SERINC2: variants seen among roughly 807,000 people sequenced by gnomAD.
SERINC2 encodes tumor differentially expressed protein 2.
In SERINC2, 56 loss-of-function variants were observed where a neutral mutation model predicts 54.2. That is an observed-to-expected ratio of 1.03 (90% confidence interval 0.83 to 1.29). The LOEUF is 1.29. Among genes scored for constraint, SERINC2 ranks in the 50% most tolerant of loss-of-function variants. SERINC2 has a pLI of 0.00. For missense variants in SERINC2, 614 were observed against 607.4 expected (o/e 1.01, Z -0.12); for synonymous variants, 272 against 253.1 (o/e 1.07, Z -0.71).
chr1:31,424,910 C>G, intron 3 of SERINC2, 37 bp downstream of exon 3: 1 of 1,548,458 alleles, frequency 6.5e-7, no homozygotes, highest in Non-Finnish European at 8.8e-7. Flanking sequence ...CTGGGACCTT[C>G]CCCCAGTGCC....
At chr1:31,431,850 T>TAGGGTGGAC (rs1641234240) in intron 8 of SERINC2, among the ~76,000 whole-genome samples, 1 of 30,136 alleles carries the variant, frequency 3.3e-5, no homozygotes, top group Non-Finnish European at 1.2e-4. Flanking sequence ...ATAGGGTGGA[T>TAGGGTGGAC]AGGGTGGATA....
chr1:31,412,055 C>T (rs1029420232), upstream of SERINC2, among the ~76,000 whole-genome samples: 83 of 141,646 alleles, frequency 5.9e-4, no homozygotes, highest in African/African-American at 2.0e-3. Flanking sequence ...GGCAAAAGTG[C>T]GGAGGAGGAA....
intron 8 of SERINC2, among the ~76,000 whole-genome samples, chr1:31,432,258 A>G (rs1428576777): frequency 6.9e-6 from 1 of 145,910 alleles, no homozygotes; most frequent in East Asian, 2.0e-4. Flanking sequence ...GCAAGGGGTG[A>G]TTTCTCAATT....
At chr1:31,433,465 G>C (rs1553135183) in intron 9 of SERINC2, among the ~76,000 whole-genome samples, 2 of 152,130 alleles carry the variant, frequency 1.3e-5, no homozygotes, top group African/African-American at 4.8e-5. Flanking sequence ...TTACAAATCA[G>C]GGGTCATGGG....
chr1:31,412,305 A>G (rs782586818), upstream of SERINC2, among the ~76,000 whole-genome samples: 3 of 152,146 alleles, frequency 2.0e-5, no homozygotes. Flanking sequence ...CTGGAAAGCC[A>G]TCTGTCAGGA....
chr1:31,425,151 A>G (rs782443248), intron 3 of SERINC2, among the ~76,000 whole-genome samples, 179 bp from the exon 4 acceptor site: 5 of 151,758 alleles, frequency 3.3e-5, no homozygotes, highest in Non-Finnish European at 7.4e-5. Flanking sequence ...CCTGCCCCTT[A>G]GGGTTTTTTC....
chr1:31,419,245 A>G (rs1304355118), intron 1 of SERINC2, among the ~76,000 whole-genome samples: 3 of 152,192 alleles, frequency 2.0e-5, no homozygotes, highest in African/African-American at 7.2e-5. Flanking sequence ...CTGGCTCTGT[A>G]GCATTCCATG....
chr1:31,431,716 C>T (rs1553134485), intron 8 of SERINC2, among the ~76,000 whole-genome samples: 1 of 146,716 alleles, frequency 6.8e-6, no homozygotes. Context: ...AATCTGGGCT[C>T]CCATGCATGA....
At chr1:31,428,841 T>C (rs1313569039) in intron 6 of SERINC2, 137 bp from the exon 7 acceptor site, 1 of 697,278 alleles carries the variant, frequency 1.4e-6, no homozygotes, top group African/African-American at 1.8e-5. Context: ...GCCTGCTTGG[T>C]GTTTTCCCTA....
At chr1:31,410,157 TG>T (rs1249311972), upstream of SERINC2, 9 of 1,425,762 alleles carry the variant, frequency 6.3e-6, 1 homozygote, top group South Asian at 6.2e-5. Context: ...AGGCTCAGAG[TG>T]GTTGGGTGAC....
chr1:31,424,530 A>C (rs1402611042), intron 2 of SERINC2, among the ~76,000 whole-genome samples, 153 bp from the exon 3 acceptor site: 15 of 151,996 alleles, frequency 9.9e-5, no homozygotes, highest in Admixed American at 9.8e-4. Context: ...GTGGAGATAG[A>C]GGTGAGGGGC....
In SERINC2 at chr1:31,413,324, C is replaced by G. The variant is rs112905557; in HGVS notation, c.39+20C>G. 3.9e-5 allele frequency: 48 copies of G among 1,240,466 alleles called. No individual in the cohort carries two copies. Among genetic ancestry groups the G allele is most frequent in the Non-Finnish European group, 4.7e-5 (46 of 987,458 alleles). 76.8% of individuals were successfully genotyped at this position (1,240,466 alleles called of 1,614,324 possible). A position where few individuals can be genotyped will look rare whatever the true frequency, so the allele number is the denominator to read the frequency against. On this transcript the variant is annotated intron_variant, in intron 1 of 9. Coordinates refer to ENST00000373709, the MANE Select transcript of SERINC2 (RefSeq NM_178865.5). This position sits in a 1 kb window ranked among gnomAD's most constrained non-coding sequence, Gnocchi z 5.0. ...AGCTGCGTGAGTCCCGACCCCGGCG[C>G]CCGCCCGCGCGCGCCGCCCGTTCCT...
upstream of SERINC2, chr1:31,410,577 T>C: frequency 3.4e-6 from 4 of 1,159,898 alleles, no homozygotes; most frequent in East Asian, 7.9e-5. Context: ...CCTTTACACA[T>C]ACAGTCATCT....
At chr1:31,420,213 G>A (rs1007974903) in intron 1 of SERINC2, among the ~76,000 whole-genome samples, 1 of 152,194 alleles carries the variant, frequency 6.6e-6, no homozygotes, top group African/African-American at 2.4e-5. Context: ...AATGGAGCAA[G>A]GTGGACAAAC....
chr1:31,432,195 A>AGGGTGGAGAGG (rs1641312966), intron 8 of SERINC2, among the ~76,000 whole-genome samples: 3 of 25,152 alleles, frequency 1.2e-4, no homozygotes, highest in African/African-American at 2.2e-4. Context: ...GGGTGGTTAG[A>AGGGTGGAGAGG]GTGGAGAGAG....
intron 1 of SERINC2, among the ~76,000 whole-genome samples, chr1:31,421,157 T>C (rs1417531598): frequency 6.6e-6 from 1 of 152,164 alleles, no homozygotes; most frequent in Non-Finnish European, 1.5e-5. Context: ...GCGAACCCTA[T>C]TGTGAACTGT....
At chr1:31,421,800 T>A (rs1553132757) in intron 1 of SERINC2, among the ~76,000 whole-genome samples, 130 of 152,314 alleles carry the variant, frequency 8.5e-4, no homozygotes, top group African/African-American at 3.0e-3. Flanking sequence ...GCCTATGTGG[T>A]CTGGCCTTGC....
At chr1:31,409,952 G>A, upstream of SERINC2, 1 of 1,147,858 alleles carries the variant, frequency 8.7e-7, no homozygotes, top group South Asian at 1.6e-5. Flanking sequence ...AGTGAGATCA[G>A]ATTAGAGAAC....
At chr1:31,422,815 G>C (rs1341546867) in intron 1 of SERINC2, among the ~76,000 whole-genome samples, 1 of 152,188 alleles carries the variant, frequency 6.6e-6, no homozygotes, top group Non-Finnish European at 1.5e-5. Context: ...GTGTGGCATA[G>C]TGTGTCATCA....
Sources: gnomAD v4.1 joint callset for allele counts (sites outside exome capture counted in the v4.1 genomes callset) on GRCh38, gnomAD v4.1.1 for gene constraint, Gnocchi (gnomAD v3.1) non-coding constraint, MANE v1.5 for transcripts, NCBI Gene and HGNC (gene_info 2026-07-23, HGNC 2026-07-21) for gene names.